The following KLHL13 variants were observed in gnomAD, a reference collection of about 807,000 sequenced individuals.
KLHL13 encodes the protein kelch like family member 13, also known as kelch-like protein 13.
Under a neutral mutation model 37.1 loss-of-function variants are expected in KLHL13, and 10 were observed. The observed-to-expected ratio is 0.27, with a 90% CI of 0.17 to 0.46. The LOEUF is 0.46. Ranked by LOEUF, KLHL13 falls within the 20% of genes least tolerant of loss-of-function variation. The probability of loss-of-function intolerance (pLI) is 1.00; values close to 1 mark genes in which losing one functional copy is unlikely to be tolerated. For missense variants in KLHL13, 360 were observed against 509.3 expected (o/e 0.71, Z 2.82); for synonymous variants, 163 against 181.2 (o/e 0.90, Z 0.81).
chrX:117,968,295 C>A (rs1391569152), intron 1 of KLHL13, among the ~76,000 whole-genome samples: 1 of 111,659 alleles, frequency 9.0e-6, no homozygotes, highest in African/African-American at 3.3e-5. Context: ...AGGTAGTGAG[C>A]CCTTTGTCAG....
intron 1 of KLHL13, among the ~76,000 whole-genome samples, chrX:117,964,098 C>A (rs767432176): frequency 2.1e-5 from 2 of 96,982 alleles, no homozygotes; most frequent in South Asian, 1.2e-3. Flanking sequence ...TGCTAGATGA[C>A]ACGTTAGTGG....
rs149972683 is a variant in KLHL13, at chrX:117,912,800, C to A, written c.571-2704G>T. On this transcript the variant is annotated intron_variant, in intron 4 of 6. Coordinates refer to ENST00000262820, the Ensembl canonical transcript of KLHL13. ...GTTGGTATATATATTTATGGGGTACCCAAGACTAAGTATTTTCTATAGCTC... is the reference window on the plus strand; with the variant it reads ...GTTGGTATATATATTTATGGGGTACACAAGACTAAGTATTTTCTATAGCTC... Among the ~76,000 whole-genome samples the A allele has an allele frequency of 3.0e-3, 336 of 110,590 alleles. 1 individual carries two copies. The East Asian group carries it at 0.052, about 17-fold the overall frequency.
At chrX:118,111,696 T>C (rs2055411709) in intron 1 of KLHL13, among the ~76,000 whole-genome samples, 1 of 112,140 alleles carries the variant, frequency 8.9e-6, no homozygotes, top group Admixed American at 9.4e-5. Context: ...ATCGAGACCA[T>C]CCTGGCTAAC....
At chrX:117,970,707 A>T in intron 1 of KLHL13, among the ~76,000 whole-genome samples, 1 of 111,787 alleles carries the variant, frequency 8.9e-6, no homozygotes, top group Non-Finnish European at 1.9e-5. Context: ...AATGGTCAAA[A>T]ACTAAACAAC....
intron 1 of KLHL13, among the ~76,000 whole-genome samples, chrX:118,070,542 A>G (rs1403156091): frequency 9.0e-6 from 1 of 111,063 alleles, no homozygotes. Context: ...TTCTGTCCAT[A>G]CTTGTGATAA....
chrX:118,071,960 A>G (rs1408627362), intron 1 of KLHL13, among the ~76,000 whole-genome samples: 1 of 111,049 alleles, frequency 9.0e-6, no homozygotes, highest in Non-Finnish European at 1.9e-5. Context: ...GACTTTCTTC[A>G]CAGAATTGGA....
intron 1 of KLHL13, among the ~76,000 whole-genome samples, chrX:118,025,439 C>G (rs1032956025): frequency 3.6e-5 from 4 of 111,727 alleles, no homozygotes; most frequent in Non-Finnish European, 7.5e-5. Context: ...TGTCCAGCAT[C>G]CTTGCCGTAA....
At chrX:118,116,635 C>T (rs906909225) in exon 1 of KLHL13, 7 of 112,081 alleles carry the variant, frequency 6.2e-5, no homozygotes, top group African/African-American at 2.3e-4. Flanking sequence ...CGCACCTTCG[C>T]ACCCTCTGCT....
intron 1 of KLHL13, among the ~76,000 whole-genome samples, chrX:117,962,207 T>C (rs1449518280): frequency 1.0e-5 from 1 of 95,728 alleles, no homozygotes; most frequent in Admixed American, 1.1e-4. Flanking sequence ...GAGATCCCCA[T>C]CTCAAAAAAA....
chrX:118,073,877 G>A (rs1235725115), intron 1 of KLHL13, among the ~76,000 whole-genome samples: 1 of 111,324 alleles, frequency 9.0e-6, no homozygotes. Flanking sequence ...GGTCACTCTA[G>A]ATCAAATCCT....
chrX:117,938,613 T>C (rs1348830985), intron 2 of KLHL13, among the ~76,000 whole-genome samples: 1 of 111,759 alleles, frequency 8.9e-6, no homozygotes, highest in African/African-American at 3.3e-5. Flanking sequence ...GCAATCATTG[T>C]TCGGTTTCTA....
chrX:118,088,844 G>C (rs1448364478), intron 1 of KLHL13, among the ~76,000 whole-genome samples: 1 of 111,516 alleles, frequency 9.0e-6, no homozygotes, highest in Non-Finnish European at 1.9e-5. Context: ...GGTTCTGAAA[G>C]GTGGCAGGAA....
In KLHL13 at chrX:118,000,524, A is replaced by G. The variant is rs6603359; in HGVS notation, c.-55-54949T>C. Among the ~76,000 whole-genome samples, 169 of 111,681 alleles carry G rather than the reference A, an allele frequency of 1.5e-3. 2 individuals are homozygous for G. The highest frequency in any genetic ancestry group is 5.4e-3 in the African/African-American group (164 of 30,598). On this transcript the variant is annotated intron_variant, in intron 1 of 6. Transcript: ENST00000371882. ...AATAGCTTTCAAGAGCTGTTTCCCA[A>G]GTTTTGGATTTTGTGGACCAATGAA...
chrX:118,075,877 T>C (rs1208248802), intron 1 of KLHL13, among the ~76,000 whole-genome samples: 3 of 112,017 alleles, frequency 2.7e-5, no homozygotes, highest in Non-Finnish European at 3.8e-5. Context: ...CTCACTAGTG[T>C]AATAGTCTGC....
chrX:118,046,600 C>T (rs1454045287), intron 1 of KLHL13, among the ~76,000 whole-genome samples: 4 of 111,945 alleles, frequency 3.6e-5, no homozygotes, highest in Non-Finnish European at 7.5e-5. Flanking sequence ...ACACCCCATT[C>T]TCCATGATGT....
chrX:118,046,370 A>G (rs2054560255), intron 1 of KLHL13, among the ~76,000 whole-genome samples: 1 of 111,958 alleles, frequency 8.9e-6, no homozygotes, highest in Non-Finnish European at 1.9e-5. Flanking sequence ...CAGATGGTAG[A>G]ATGATGGCTA....
intron 1 of KLHL13, among the ~76,000 whole-genome samples, chrX:118,094,719 G>C (rs1217532740): frequency 1.8e-5 from 2 of 112,059 alleles, no homozygotes; most frequent in African/African-American, 6.5e-5. Flanking sequence ...AGCCAGAAGA[G>C]AGTGGGGGCC....
intron 4 of KLHL13, among the ~76,000 whole-genome samples, chrX:117,910,537 G>C (rs757359739): frequency 6.2e-4 from 68 of 109,863 alleles, no homozygotes; most frequent in Non-Finnish European, 1.0e-3. Context: ...ACAGCTAGCA[G>C]ATCCATGAAC....
chrX:118,049,215 T>C (rs2054589887), intron 1 of KLHL13, among the ~76,000 whole-genome samples: 1 of 111,776 alleles, frequency 8.9e-6, no homozygotes, highest in Admixed American at 9.5e-5. Context: ...TAGTACTCTG[T>C]CTTCAAATAA....
Sources: allele counts gnomAD v4.1 joint callset (sites outside exome capture counted in the v4.1 genomes callset), GRCh38; gene constraint gnomAD v4.1.1; transcripts MANE v1.5; gene names NCBI Gene and HGNC (gene_info 2026-07-23, HGNC 2026-07-21).